Variants in NAV2 observed in about 807,000 individuals in gnomAD.
NAV2 encodes the protein helicase, APC down-regulated 1.
A neutral mutation model predicts 223.2 loss-of-function variants in NAV2; 54 were observed. The ratio of observed to expected loss-of-function variants is 0.24; its 90% CI spans 0.19 to 0.30. The LOEUF (loss-of-function observed/expected upper bound fraction) is 0.30, where lower values mean the gene tolerates loss of function less well. NAV2 is among the 10% of genes least tolerant of loss of function. The pLI is 1.00. For synonymous variants in NAV2, 1,279 were observed against 1,239.3 expected (o/e 1.03, Z -0.67); for missense variants, 2,806 against 3,147.5 (o/e 0.89, Z 2.60).
intron 1 of NAV2, among the ~76,000 whole-genome samples, chr11:19,351,781 C>G (rs1393906441): frequency 7.8e-6 from 1 of 128,216 alleles, no homozygotes; most frequent in Non-Finnish European, 1.6e-5. Flanking sequence ...TCTGACATTT[C>G]CTTTGAAATG....
intron 6 of NAV2, among the ~76,000 whole-genome samples, chr11:19,898,062 C>A (rs1445073762): frequency 1.3e-5 from 2 of 151,814 alleles, no homozygotes; most frequent in Non-Finnish European, 2.9e-5. Context: ...CCTCTCACAT[C>A]CTTTGAATAA....
At chr11:20,095,818 G>T in intron 30 of NAV2, 51 bp downstream of exon 30, 2 of 1,363,718 alleles carry the variant, frequency 1.5e-6, no homozygotes, top group Non-Finnish European at 2.1e-6. Context: ...ATGGGCATCC[G>T]GGCCTGGGGA....
intron 10 of NAV2, among the ~76,000 whole-genome samples, chr11:19,966,190 C>G (rs1372573750): frequency 6.6e-6 from 1 of 152,194 alleles, no homozygotes. Context: ...TAGATCCCAC[C>G]TCTCAGTGGG....
intron 1 of NAV2, among the ~76,000 whole-genome samples, chr11:19,408,887 A>G (rs924575202): frequency 1.3e-5 from 2 of 151,402 alleles, no homozygotes; most frequent in African/African-American, 4.9e-5. Context: ...CGGGAGTCCC[A>G]CTGGGGTTTT....
At chr11:19,607,849 CA>C (rs2092042552) in intron 1 of NAV2, among the ~76,000 whole-genome samples, 1 of 152,208 alleles carries the variant, frequency 6.6e-6, no homozygotes, top group East Asian at 1.9e-4. Context: ...AAAGATTCTT[CA>C]AACAAGATAA....
chr11:20,061,021 C>T (rs887033455), intron 19 of NAV2, among the ~76,000 whole-genome samples: 5 of 152,174 alleles, frequency 3.3e-5, no homozygotes, highest in African/African-American at 1.2e-4. Context: ...ATTTAGTACA[C>T]GTGGAAGTTA....
intron 1 of NAV2, among the ~76,000 whole-genome samples, chr11:19,747,897 G>A (rs1292242983): frequency 6.6e-6 from 1 of 152,166 alleles, no homozygotes; most frequent in East Asian, 1.9e-4. Context: ...GTAGAGACCT[G>A]GAAGACTTGG....
At chr11:19,895,100 C>CTTTTTTTTTTTTTTTTTTTTT (rs1273722638) in intron 6 of NAV2, among the ~76,000 whole-genome samples, 1 of 105,084 alleles carries the variant, frequency 9.5e-6, no homozygotes, top group East Asian at 2.6e-4. Flanking sequence ...TTTTCTTTTT[C>CTTTTTTTTTTTTTTTTTTTTT]TTTCTTTTTT....
chr11:19,467,850 G>C (rs1311101912), intron 1 of NAV2, among the ~76,000 whole-genome samples: 1 of 152,240 alleles, frequency 6.6e-6, no homozygotes, highest in African/African-American at 2.4e-5. Context: ...TGGCAGTGGA[G>C]GCTGGGCTTA....
intron 1 of NAV2, among the ~76,000 whole-genome samples, chr11:19,553,660 G>A (rs2044765285): frequency 6.6e-6 from 1 of 152,258 alleles, no homozygotes. Context: ...AGGATTGTTT[G>A]TAACAAACTG....
chr11:19,533,322 G>A (rs7924633), intron 1 of NAV2, among the ~76,000 whole-genome samples: 6,444 of 151,878 alleles, frequency 0.042, 476 homozygotes, highest in African/African-American at 0.15. Flanking sequence ...TGCCATTAGC[G>A]ACAACTCCCC....
chr11:19,426,978 A>G (rs1430335053), intron 1 of NAV2, among the ~76,000 whole-genome samples: 2 of 152,200 alleles, frequency 1.3e-5, no homozygotes, highest in Non-Finnish European at 2.9e-5. Context: ...GGAGAAGAGT[A>G]TTAAAGAAAA....
intron 1 of NAV2, among the ~76,000 whole-genome samples, chr11:19,494,469 C>A (rs1355259717): frequency 6.6e-6 from 1 of 152,212 alleles, no homozygotes; most frequent in Non-Finnish European, 1.5e-5. Flanking sequence ...AATCCTCCCA[C>A]TTCCCAGTAA....
chr11:19,939,455 C>G (rs769276459), intron 7 of NAV2, among the ~76,000 whole-genome samples: 38 of 152,292 alleles, frequency 2.5e-4, no homozygotes, highest in Admixed American at 1.7e-3. Context: ...AAAAGTTTAT[C>G]TTTTACAGTT....
chr11:19,690,650 G>A (rs1313874123), intron 1 of NAV2, among the ~76,000 whole-genome samples: 1 of 152,208 alleles, frequency 6.6e-6, no homozygotes, highest in African/African-American at 2.4e-5. Context: ...TATGTGAATA[G>A]GACTGATGCA....
At chr11:19,401,073 C>A (rs1466845504) in intron 1 of NAV2, among the ~76,000 whole-genome samples, 1 of 152,196 alleles carries the variant, frequency 6.6e-6, no homozygotes, top group Non-Finnish European at 1.5e-5. Context: ...CATTGGAGAT[C>A]AAAATAGAGC....
chr11:19,847,470 T>C (rs2707111), intron 3 of NAV2, among the ~76,000 whole-genome samples: 43,174 of 152,044 alleles, frequency 0.28, 6,641 homozygotes, highest in South Asian at 0.46. Context: ...GGAGTCCTCC[T>C]GCCTTCTTCC....
chr11:19,549,526 G>A (rs567601772), intron 1 of NAV2, among the ~76,000 whole-genome samples: 5 of 152,320 alleles, frequency 3.3e-5, no homozygotes, highest in East Asian at 1.9e-4. Context: ...TGACTACAGA[G>A]GAAGGAGGGC....
chr11:19,671,755 A>C (rs1198668616), intron 1 of NAV2, among the ~76,000 whole-genome samples: 1 of 152,224 alleles, frequency 6.6e-6, no homozygotes, highest in East Asian at 1.9e-4. Context: ...CAACCCTTTA[A>C]AAATGTAAAA....
Sources: gnomAD v4.1 joint callset for allele counts (sites outside exome capture counted in the v4.1 genomes callset) on GRCh38, gnomAD v4.1.1 for gene constraint, MANE v1.5 for transcripts, NCBI Gene and HGNC (gene_info 2026-07-23, HGNC 2026-07-21) for gene names.